Variants in DNMBP observed in about 807,000 individuals in gnomAD.
The protein encoded by DNMBP is dynamin-binding protein.
DNMBP carries 87 observed loss-of-function variants against 150.0 expected under a neutral mutation model. The ratio of observed to expected loss-of-function variants is 0.58; its 90% confidence interval spans 0.49 to 0.69. The LOEUF is 0.69. DNMBP is among the 30% of genes least tolerant of loss of function. The pLI is 0.00. For synonymous variants in DNMBP, 711 were observed against 750.4 expected (o/e 0.95, Z 0.86); for missense variants, 1,774 against 1,949.0 (o/e 0.91, Z 1.69).
At chr10:99,977,851 T>G (rs1438407113) in intron 1 of DNMBP, among the ~76,000 whole-genome samples, 1 of 152,206 alleles carries the variant, frequency 6.6e-6, no homozygotes, top group Non-Finnish European at 1.5e-5. Flanking sequence ...TTTACTTACC[T>G]AAAACTAAAT....
chr10:99,880,005 C>T lies in DNMBP; in HGVS notation c.4354G>A (p.Val1452Ile), dbSNP rs1185678260. ...SQPRSGDSADVARDVKQPTAT... is the reference protein window; with the variant it reads ...SQPRSGDSADIARDVKQPTAT... ...GTGGGTTGCTTTACATCTCTAGCTA[C>T]ATCTGCAGAGTCCCCTGACCTTGGC... is the stretch of plus-strand genomic sequence containing the variant. The change falls in exon 16 of 17, where the codon GTA becomes ATA. Residue 1452 changes from valine to isoleucine, a missense_variant. Coordinates refer to ENST00000324109, the MANE Select transcript of DNMBP (RefSeq NM_015221.4). 3 of 1,614,118 alleles carry T rather than the reference C, an allele frequency of 1.9e-6. No homozygotes were observed. Among genetic ancestry groups the T allele is most frequent in the Non-Finnish European group, 2.5e-6 (3 of 1,180,058 alleles).
intron 2 of DNMBP, 91 bp downstream of exon 2, chr10:99,971,889 T>C (rs979514119): frequency 3.5e-6 from 4 of 1,146,658 alleles, no homozygotes; most frequent in African/African-American, 3.2e-5. Context: ...AGGGTCTCAC[T>C]CTGTTGCCCA....
At chr10:99,931,784 C>A (rs116394506) in intron 4 of DNMBP, among the ~76,000 whole-genome samples, 1 of 152,144 alleles carries the variant, frequency 6.6e-6, no homozygotes, top group East Asian at 1.9e-4. Context: ...AGAAGCAACA[C>A]GCTTAAAGAA....
intron 14 of DNMBP, 149 bp downstream of exon 14, chr10:99,885,538 G>A: frequency 2.7e-6 from 2 of 734,324 alleles, no homozygotes; most frequent in Non-Finnish European, 4.2e-6. Context: ...GCGAATGCAT[G>A]AGCCCATGAT....
At chr10:99,960,205 TTACTC>T (rs1174058938) in intron 3 of DNMBP, among the ~76,000 whole-genome samples, 1 of 152,150 alleles carries the variant, frequency 6.6e-6, no homozygotes, top group Non-Finnish European at 1.5e-5. Context: ...TTTGAAAAAA[TTACTC>T]TAATTTTATC....
chr10:99,972,855 A>G (rs2040693014), intron 1 of DNMBP, among the ~76,000 whole-genome samples: 1 of 152,118 alleles, frequency 6.6e-6, no homozygotes, highest in African/African-American at 2.4e-5. Flanking sequence ...GCTCACTGCC[A>G]CCTCTGCCTC....
intron 1 of DNMBP, among the ~76,000 whole-genome samples, chr10:99,997,916 A>C (rs1327955000): frequency 9.1e-6 from 1 of 109,916 alleles, no homozygotes; most frequent in East Asian, 2.8e-4. Context: ...TGACAGAATG[A>C]GACTCTGTCT....
At chr10:99,966,756 C>T (rs1371285582) in intron 3 of DNMBP, among the ~76,000 whole-genome samples, 2 of 151,888 alleles carry the variant, frequency 1.3e-5, no homozygotes, top group Non-Finnish European at 2.9e-5. Flanking sequence ...AACAACAGAG[C>T]GTGGTGGCGT....
At chr10:99,902,458 C>A (rs376659336) in intron 6 of DNMBP, among the ~76,000 whole-genome samples, 3 of 149,710 alleles carry the variant, frequency 2.0e-5, no homozygotes, top group African/African-American at 7.4e-5. Context: ...CACAGGCATG[C>A]GCCACCACGC....
intron 4 of DNMBP, among the ~76,000 whole-genome samples, chr10:99,933,663 C>T (rs1006294927): frequency 6.6e-6 from 1 of 152,210 alleles, no homozygotes; most frequent in African/African-American, 2.4e-5. Context: ...CAGTCAGTCA[C>T]CAGTGCATTC....
rs748404606 is a variant in DNMBP, at chr10:99,895,065, A to G, written c.3052-15T>C. 6.5e-7 allele frequency: 1 copy of G among 1,529,948 alleles called. No individual in the cohort carries two copies. The highest frequency in any genetic ancestry group is 1.7e-5 in the Admixed American group (1 of 58,408). The allele number at this position is 1,529,948 out of a possible 1,614,324, so 94.8% of individuals were successfully genotyped here. A position where few individuals can be genotyped will look rare whatever the true frequency, so the allele number is the denominator to read the frequency against. ...TCATCTTTTATCTGTTCAAAAATAA[A>G]CAAGTGCTGTTAGCAAATCTGGACA... On this transcript the variant is annotated splice_polypyrimidine_tract_variant and intron_variant, in intron 10 of 16. Coordinates refer to ENST00000324109, the MANE Select transcript of DNMBP (RefSeq NM_015221.4).
chr10:99,959,645 G>C (rs905142133), intron 3 of DNMBP, among the ~76,000 whole-genome samples: 1 of 151,944 alleles, frequency 6.6e-6, no homozygotes, highest in East Asian at 1.9e-4. Context: ...TGGAGCAGAA[G>C]AGTTCAAGAT....
intron 11 of DNMBP, 29 bp from the exon 12 acceptor site, chr10:99,888,982 A>G (rs1253130192): frequency 4.3e-6 from 7 of 1,610,746 alleles, no homozygotes; most frequent in Non-Finnish European, 5.9e-6. Context: ...GACACAAGTC[A>G]GAACAGACAG....
Position 99,943,050 on chromosome 10 carries a change from AG to A in DNMBP, c.2260+12163del, listed in dbSNP as rs368813069. 9.6e-3 allele frequency among the ~76,000 whole-genome samples: 1,455 copies of A among 151,152 alleles called. 22 individuals are homozygous for A. Among genetic ancestry groups the A allele is most frequent in the Middle Eastern group, 0.044 (13 of 294 alleles). ...GTAATCCCAGCACTTTGGGAGGCTG[AG>A]GGGGGGGCGGATCACCTGAGGTCAG... On this transcript the variant is annotated intron_variant, in intron 4 of 16. Transcript: ENST00000324109.
chr10:99,877,172 G>C lies in DNMBP; in HGVS notation c.4713C>G (p.Ile1571Met), dbSNP rs915346847. Residue 1571 changes from isoleucine to methionine, a missense_variant, in exon 17 of 17, where the codon ATC becomes ATG. Physicochemically the swap from Ile to Met is conservative, Grantham distance 10. This residue lies in a region of DNMBP where 1,430 missense variants were observed against 1,492.5 expected (regional missense o/e 0.96). Transcript: ENST00000324109. ...GGGCTCAGGTGTACTCGGTTTTGCGGATATAATTGGAGGGAACGTAGCCCT... is the reference window on the plus strand; with the variant it reads ...GGGCTCAGGTGTACTCGGTTTTGCGCATATAATTGGAGGGAACGTAGCCCT... ...GKKGYVPSNY[I>M]RKTEYT 2 of 1,611,186 alleles carry C rather than the reference G, an allele frequency of 1.2e-6. No individual in the cohort carries two copies. Among genetic ancestry groups the C allele is most frequent in the South Asian group, 2.2e-5 (2 of 90,432 alleles).
At chr10:99,960,676 C>T (rs1270096871) in intron 3 of DNMBP, among the ~76,000 whole-genome samples, 5 of 152,018 alleles carry the variant, frequency 3.3e-5, no homozygotes, top group South Asian at 2.1e-4. Context: ...TGGGGGGGTG[C>T]ACGCCTATAA....
At chr10:99,980,177 G>A (rs960956990) in intron 1 of DNMBP, among the ~76,000 whole-genome samples, 4 of 152,140 alleles carry the variant, frequency 2.6e-5, no homozygotes, top group South Asian at 4.1e-4. Flanking sequence ...GGGTGCGGTG[G>A]CTCAGGCCTG....
intron 1 of DNMBP, among the ~76,000 whole-genome samples, chr10:99,999,244 T>TA (rs1357572470): frequency 6.6e-6 from 1 of 152,258 alleles, no homozygotes; most frequent in Non-Finnish European, 1.5e-5. Context: ...GCAAGACGGT[T>TA]GAGAGCACGG....
At chr10:99,893,913 T>A (rs2039613743) in intron 11 of DNMBP, among the ~76,000 whole-genome samples, 1 of 152,198 alleles carries the variant, frequency 6.6e-6, no homozygotes. Context: ...TAATTATTTT[T>A]ACTTAGCCCT....
Sources: gnomAD v4.1 joint callset for allele counts (sites outside exome capture counted in the v4.1 genomes callset) on GRCh38, gnomAD v4.1.1 for gene constraint, gnomAD v4.1.1 regional missense constraint, MANE v1.5 for transcripts, NCBI Gene and HGNC (gene_info 2026-07-23, HGNC 2026-07-21) for gene names.